The following ZMAT4 variants were observed in gnomAD, a reference collection of about 807,000 sequenced individuals.
ZMAT4 encodes zinc finger matrin-type 4.
A neutral mutation model predicts 28.7 loss-of-function variants in ZMAT4; 17 were observed. The ratio of observed to expected loss-of-function variants is 0.59; its 90% CI spans 0.41 to 0.89. ZMAT4 has a LOEUF of 0.89. ZMAT4 is among the 40% of genes least tolerant of loss of function. ZMAT4 has a pLI of 0.00. For synonymous variants in ZMAT4, 117 were observed against 109.2 expected, an observed-to-expected ratio of 1.07 and a Z score of -0.44; for missense variants, 240 against 283.8, an observed-to-expected ratio of 0.85 and a Z score of 1.11.
intron 1 of ZMAT4, among the ~76,000 whole-genome samples, chr8:40,839,713 G>C (rs1161649360): frequency 6.6e-6 from 1 of 152,204 alleles, no homozygotes; most frequent in East Asian, 1.9e-4. Flanking sequence ...GGCACAGAAA[G>C]TCAAAAGCCA....
intron 1 of ZMAT4, among the ~76,000 whole-genome samples, chr8:40,868,121 T>A (rs188273814): frequency 6.6e-6 from 1 of 152,156 alleles, no homozygotes; most frequent in African/African-American, 2.4e-5. Flanking sequence ...ATATCCATAA[T>A]ATATTTGTTG....
At position 40,674,822 on chromosome 8, in the gene ZMAT4, C is replaced by A; in HGVS notation, c.459G>T (p.Trp153Cys). 1 of 1,613,904 alleles carries A rather than the reference C, an allele frequency of 6.2e-7. No homozygotes were observed. Among genetic ancestry groups the A allele is most frequent in the African/African-American group, 1.3e-5 (1 of 74,994 alleles). ...GCTGGGCCATCAGAGGGTTATTAAA[C>A]CAGGCTGCACAGAGCCCACAGTATC... ...SDRYCGLCAA[W>C]FNNPLMAQQH... The change falls in exon 5 of 7, where the codon TGG (tryptophan) becomes TGT (cysteine). Residue 153 changes from tryptophan to cysteine, a missense_variant. By Grantham distance (215) the Trp-to-Cys change is radical. Transcript: ENST00000297737.
intron 3 of ZMAT4, among the ~76,000 whole-genome samples, chr8:40,734,841 A>T (rs1378777425): frequency 6.6e-6 from 1 of 152,230 alleles, no homozygotes; most frequent in African/African-American, 2.4e-5. Flanking sequence ...TCCAAAATTT[A>T]AAAAAATCTC....
intron 5 of ZMAT4, among the ~76,000 whole-genome samples, chr8:40,655,217 T>C (rs1807862266): frequency 6.6e-6 from 1 of 152,022 alleles, no homozygotes; most frequent in African/African-American, 2.4e-5. Flanking sequence ...ACAATTCCAC[T>C]TGCAATTGTG....
intron 3 of ZMAT4, among the ~76,000 whole-genome samples, chr8:40,710,844 G>A (rs558487424): frequency 6.6e-6 from 1 of 151,866 alleles, no homozygotes; most frequent in African/African-American, 2.4e-5. Flanking sequence ...GCAGTGGCGC[G>A]ATCTCGGCTC....
intron 6 of ZMAT4, among the ~76,000 whole-genome samples, chr8:40,572,036 G>C (rs944729367): frequency 6.6e-6 from 1 of 152,096 alleles, no homozygotes; most frequent in African/African-American, 2.4e-5. Flanking sequence ...TGATTTGTTT[G>C]ATTGTTTTCA....
intron 5 of ZMAT4, 43 bp downstream of exon 5, chr8:40,674,661 G>T: frequency 6.6e-7 from 1 of 1,525,688 alleles, no homozygotes; most frequent in South Asian, 1.1e-5. Context: ...TCTTTTCTCT[G>T]AAAGCCCAGT....
intron 5 of ZMAT4, among the ~76,000 whole-genome samples, chr8:40,664,343 T>C (rs1444143601): frequency 6.6e-6 from 1 of 152,096 alleles, no homozygotes; most frequent in Non-Finnish European, 1.5e-5. Context: ...TGAGCTGCCT[T>C]TTCTCTCTTC....
intron 3 of ZMAT4, among the ~76,000 whole-genome samples, chr8:40,753,340 C>T (rs1812536522): frequency 6.6e-6 from 1 of 152,174 alleles, no homozygotes; most frequent in Admixed American, 6.5e-5. Flanking sequence ...ACACCACACT[C>T]TTCCCCACCA....
At chr8:40,818,184 T>C (rs1370032453) in intron 2 of ZMAT4, among the ~76,000 whole-genome samples, 1 of 152,244 alleles carries the variant, frequency 6.6e-6, no homozygotes, top group Non-Finnish European at 1.5e-5. Context: ...GCAATTCACT[T>C]TGTGTTCCAG....
intron 6 of ZMAT4, among the ~76,000 whole-genome samples, chr8:40,558,356 C>T (rs371450452): frequency 6.6e-6 from 1 of 152,056 alleles, no homozygotes; most frequent in Non-Finnish European, 1.5e-5. Flanking sequence ...AGGCAAATGT[C>T]CCCACAGGGA....
intron 1 of ZMAT4, 82 bp from the exon 2 acceptor site, chr8:40,825,762 A>G (rs1816012871): frequency 8.7e-7 from 1 of 1,144,360 alleles, no homozygotes; most frequent in Non-Finnish European, 1.2e-6. Context: ...AAAAGCCAGG[A>G]TCACAGTAAC....
At chr8:40,776,340 A>G (rs1187942579) in intron 2 of ZMAT4, among the ~76,000 whole-genome samples, 1 of 152,254 alleles carries the variant, frequency 6.6e-6, no homozygotes, top group Non-Finnish European at 1.5e-5. Context: ...GAAAAAAATC[A>G]TGTACGGTGG....
At chr8:40,558,059 A>G (rs1194457910) in intron 6 of ZMAT4, among the ~76,000 whole-genome samples, 1 of 152,170 alleles carries the variant, frequency 6.6e-6, no homozygotes, top group Admixed American at 6.5e-5. Flanking sequence ...AATTCCACCT[A>G]GAGCAGGAAA....
chr8:40,705,640 T>C (rs1810319651), intron 3 of ZMAT4, among the ~76,000 whole-genome samples: 1 of 152,256 alleles, frequency 6.6e-6, no homozygotes, highest in Admixed American at 6.5e-5. Context: ...TAAAATTCTA[T>C]GCATTTGAAG....
intron 6 of ZMAT4, among the ~76,000 whole-genome samples, chr8:40,535,282 C>T (rs1802811118): frequency 6.6e-6 from 1 of 152,128 alleles, no homozygotes; most frequent in African/African-American, 2.4e-5. Context: ...CTAGTCTTTC[C>T]CCTTATTCTC....
intron 4 of ZMAT4, among the ~76,000 whole-genome samples, chr8:40,696,424 G>A (rs1043421112): frequency 6.6e-5 from 10 of 152,056 alleles, no homozygotes; most frequent in South Asian, 2.1e-4. Context: ...AATTTTAATC[G>A]CATGGAAAGA....
At chr8:40,699,824 G>A (rs147757987) in intron 3 of ZMAT4, among the ~76,000 whole-genome samples, 100 of 152,320 alleles carry the variant, frequency 6.6e-4, no homozygotes, top group African/African-American at 2.2e-3. Context: ...TAGAATCTGT[G>A]TATCTGTTCA....
In ZMAT4 at chr8:40,653,879, G is replaced by A. The variant is rs184276989; in HGVS notation, c.577+20825C>T. Among the ~76,000 whole-genome samples, 3 of 152,236 alleles carry A rather than the reference G, an allele frequency of 2.0e-5. No individual in the cohort carries two copies. The East Asian group carries it at 5.8e-4, about 29-fold the overall frequency. ...CCTTCACAAAGTCTTTCTAAAAACAGGAAAAGAGGAAATGCTTCCCAACTC... is the reference window on the plus strand; with the variant it reads ...CCTTCACAAAGTCTTTCTAAAAACAAGAAAAGAGGAAATGCTTCCCAACTC... On this transcript the variant is annotated intron_variant, in intron 5 of 6. Coordinates refer to ENST00000297737, the MANE Select transcript of ZMAT4 (RefSeq NM_024645.3).
Sources: allele counts gnomAD v4.1 joint callset (sites outside exome capture counted in the v4.1 genomes callset), GRCh38; gene constraint gnomAD v4.1.1; transcripts MANE v1.5; gene names NCBI Gene and HGNC (gene_info 2026-07-23, HGNC 2026-07-21).